Variants in CCSER1 observed in about 807,000 individuals in gnomAD.
CCSER1 encodes the protein coiled-coil serine rich protein 1.
CCSER1 carries 41 observed loss-of-function variants against 82.0 expected under a neutral mutation model. The observed-to-expected ratio is 0.50, with a 90% CI of 0.39 to 0.65. The LOEUF is 0.65. CCSER1 is among the 30% of genes least tolerant of loss of function. The pLI, the probability that CCSER1 is intolerant of heterozygous loss-of-function variation, is 0.00. For missense variants in CCSER1, 1,119 were observed against 1,064.2 expected, an observed-to-expected ratio of 1.05 and a Z score of -0.72; for synonymous variants, 414 against 383.9, an observed-to-expected ratio of 1.08 and a Z score of -0.92.
intron 10 of CCSER1, among the ~76,000 whole-genome samples, chr4:91,220,463 T>C (rs1737643110): frequency 6.6e-6 from 1 of 152,244 alleles, no homozygotes; most frequent in Non-Finnish European, 1.5e-5. Flanking sequence ...TTAAATACAC[T>C]GTTTGCTAAG....
intron 10 of CCSER1, among the ~76,000 whole-genome samples, chr4:91,576,052 A>C (rs1298985481): frequency 6.6e-6 from 1 of 151,970 alleles, no homozygotes; most frequent in Non-Finnish European, 1.5e-5. Context: ...ATTTACACTT[A>C]CTCGTTCATT....
intron 10 of CCSER1, among the ~76,000 whole-genome samples, chr4:91,450,846 A>T (rs912771225): frequency 3.3e-5 from 5 of 152,030 alleles, no homozygotes; most frequent in African/African-American, 1.2e-4. Context: ...CACAATTATC[A>T]GAGCTCAGAC....
intron 9 of CCSER1, among the ~76,000 whole-genome samples, chr4:90,930,847 A>G (rs1295586224): frequency 6.7e-6 from 1 of 148,700 alleles, no homozygotes; most frequent in Non-Finnish European, 1.5e-5. Context: ...TATCAAAAAC[A>G]TTGCTTTCCT....
intron 10 of CCSER1, among the ~76,000 whole-genome samples, chr4:91,101,306 G>T (rs936232975): frequency 6.6e-6 from 1 of 152,192 alleles, no homozygotes; most frequent in African/African-American, 2.4e-5. Context: ...TACCTGGTAG[G>T]ATTATGCCAG....
At chr4:91,153,242 C>T (rs923547942) in intron 10 of CCSER1, among the ~76,000 whole-genome samples, 4 of 151,930 alleles carry the variant, frequency 2.6e-5, no homozygotes, top group Admixed American at 6.6e-5. Flanking sequence ...CCTCTCTTCT[C>T]ACTTCATTTC....
At chr4:90,388,336 CAG>C (rs1750408741) in intron 3 of CCSER1, among the ~76,000 whole-genome samples, 2 of 129,612 alleles carry the variant, frequency 1.5e-5, no homozygotes, top group African/African-American at 6.5e-5. Flanking sequence ...TTTATTGAGA[CAG>C]AGTCTCTGTC....
At chr4:90,483,643 G>A (rs149330009) in intron 5 of CCSER1, among the ~76,000 whole-genome samples, 2,227 of 152,226 alleles carry the variant, frequency 0.015, 35 homozygotes, top group African/African-American at 0.043. Flanking sequence ...GCTTAGTTTG[G>A]CTGGATATGA....
chr4:90,542,312 A>G lies in CCSER1; in HGVS notation c.1724+73958A>G, dbSNP rs181300259. On this transcript the variant is annotated intron_variant, in intron 5 of 10. Transcript: ENST00000509176. ...TATTTAAGATGGACTGTCAGATCCC[A>G]TTAGGTTTGCGGATAATATTCTGCA... Among the ~76,000 whole-genome samples, 857 of 152,224 alleles carry G rather than the reference A, an allele frequency of 5.6e-3. 5 individuals are homozygous for G. The highest frequency in any genetic ancestry group is 0.019 in the African/African-American group (799 of 41,564).
chr4:90,550,562 G>A (rs1560703988), intron 5 of CCSER1, among the ~76,000 whole-genome samples: 1 of 151,894 alleles, frequency 6.6e-6, no homozygotes, highest in Non-Finnish European at 1.5e-5. Context: ...ATATATTATT[G>A]AGGCAAACAA....
chr4:90,488,886 A>G (rs912024079), intron 5 of CCSER1, among the ~76,000 whole-genome samples: 20 of 152,192 alleles, frequency 1.3e-4, no homozygotes, highest in African/African-American at 4.3e-4. Flanking sequence ...CCTTGTGCAG[A>G]GGAGAGGGAT....
At chr4:91,194,832 G>C (rs984630608) in intron 10 of CCSER1, among the ~76,000 whole-genome samples, 1 of 152,150 alleles carries the variant, frequency 6.6e-6, no homozygotes, top group African/African-American at 2.4e-5. Context: ...ACTGTAAAAA[G>C]CATAGCTTAC....
intron 5 of CCSER1, among the ~76,000 whole-genome samples, chr4:90,553,584 C>G (rs1439827026): frequency 6.6e-6 from 1 of 152,100 alleles, no homozygotes; most frequent in Non-Finnish European, 1.5e-5. Flanking sequence ...CATGCACTGC[C>G]CACAAGTGCT....
chr4:90,686,488 G>GA (rs1734837127), intron 6 of CCSER1, among the ~76,000 whole-genome samples: 1 of 151,774 alleles, frequency 6.6e-6, no homozygotes, highest in Non-Finnish European at 1.5e-5. Context: ...GGCTTGAGTA[G>GA]AAAATTTGGC....
chr4:90,512,183 G>A (rs1771620029), intron 5 of CCSER1, among the ~76,000 whole-genome samples: 1 of 151,864 alleles, frequency 6.6e-6, no homozygotes, highest in South Asian at 2.1e-4. Flanking sequence ...CCTGAGAATG[G>A]AGATGCAATA....
At chr4:91,380,014 CA>C (rs1750751493) in intron 10 of CCSER1, among the ~76,000 whole-genome samples, 1 of 152,146 alleles carries the variant, frequency 6.6e-6, no homozygotes. Context: ...ACCCAGTAGT[CA>C]TTTAGGAGCA....
intron 10 of CCSER1, among the ~76,000 whole-genome samples, chr4:91,588,128 T>C (rs1764095086): frequency 6.6e-6 from 1 of 151,610 alleles, no homozygotes; most frequent in African/African-American, 2.4e-5. Context: ...ATTTTAGATC[T>C]TTTTAAGGAT....
chr4:91,509,947 G>C (rs1363521864), intron 10 of CCSER1, among the ~76,000 whole-genome samples: 1 of 152,096 alleles, frequency 6.6e-6, no homozygotes, highest in African/African-American at 2.4e-5. Context: ...GATTGATCCT[G>C]TCACCGAGGT....
chr4:91,273,347 G>T (rs1560558485), intron 10 of CCSER1, among the ~76,000 whole-genome samples: 1 of 151,486 alleles, frequency 6.6e-6, no homozygotes, highest in African/African-American at 2.4e-5. Context: ...GTGTTTGTTT[G>T]TTTTTTTGTT....
At chr4:91,157,063 A>G (rs992419036) in intron 10 of CCSER1, among the ~76,000 whole-genome samples, 6 of 151,988 alleles carry the variant, frequency 3.9e-5, no homozygotes, top group Admixed American at 6.6e-5. Context: ...AGGACATTTA[A>G]TCTGTGCTAG....
Sources: allele counts gnomAD v4.1 joint callset (sites outside exome capture counted in the v4.1 genomes callset), GRCh38; gene constraint gnomAD v4.1.1; transcripts MANE v1.5; gene names NCBI Gene and HGNC (gene_info 2026-07-23, HGNC 2026-07-21).